Variants in PAM observed in about 807,000 individuals in gnomAD.
The protein encoded by PAM is peptidyl-glycine alpha-amidating monooxygenase.
In PAM, 72 loss-of-function variants were observed where a neutral mutation model predicts 122.1. The ratio of observed to expected loss-of-function variants is 0.59; its 90% CI spans 0.49 to 0.72. PAM has a LOEUF of 0.72. PAM is among the 30% of genes least tolerant of loss of function. The pLI, the probability that PAM is intolerant of heterozygous loss-of-function variation, is 0.00. For synonymous variants in PAM, 389 were observed against 404.4 expected, an observed-to-expected ratio of 0.96 and a Z score of 0.46; for missense variants, 1,106 against 1,183.7, an observed-to-expected ratio of 0.93 and a Z score of 0.96.
At chr5:102,814,571 A>T in intron 1 of PAM, among the ~76,000 whole-genome samples, 1 of 140,346 alleles carries the variant, frequency 7.1e-6, no homozygotes, top group Non-Finnish European at 1.6e-5. Flanking sequence ...AGATATATAC[A>T]TATATTGATA....
chr5:102,940,367 CA>C (rs1754754272), intron 7 of PAM, among the ~76,000 whole-genome samples: 1 of 150,302 alleles, frequency 6.7e-6, no homozygotes, highest in Non-Finnish European at 1.5e-5. Flanking sequence ...ATTCTGGACT[CA>C]GGGAAAAACA....
chr5:103,009,311 AT>A (rs1021529630), intron 20 of PAM, among the ~76,000 whole-genome samples: 7 of 152,072 alleles, frequency 4.6e-5, no homozygotes, highest in Admixed American at 2.0e-4. Flanking sequence ...AACTTCACTT[AT>A]TTTCTTTGAT....
chr5:102,882,142 G>C (rs1166567907), intron 3 of PAM, among the ~76,000 whole-genome samples: 3 of 125,140 alleles, frequency 2.4e-5, no homozygotes, highest in Non-Finnish European at 4.9e-5. Context: ...CTCATTGTTG[G>C]ATGGGCATTT....
chr5:102,854,470 T>C (rs1782105721), intron 1 of PAM, among the ~76,000 whole-genome samples: 1 of 152,170 alleles, frequency 6.6e-6, no homozygotes, highest in African/African-American at 2.4e-5. Flanking sequence ...GCTTAGGGCA[T>C]GTAGCCTCAA....
intron 1 of PAM, among the ~76,000 whole-genome samples, chr5:102,792,789 G>A (rs991725171): frequency 3.9e-5 from 6 of 152,112 alleles, no homozygotes; most frequent in Admixed American, 1.3e-4. Flanking sequence ...AGTTTTTGAG[G>A]CTCCTACCAC....
At chr5:102,801,656 A>T (rs1764731243) in intron 1 of PAM, among the ~76,000 whole-genome samples, 2 of 152,054 alleles carry the variant, frequency 1.3e-5, no homozygotes, top group Admixed American at 1.3e-4. Context: ...TGCAGGCATC[A>T]TCCTTAACCC....
chr5:102,820,576 C>T (rs74823287), intron 1 of PAM, among the ~76,000 whole-genome samples: 2,098 of 152,136 alleles, frequency 0.014, 54 homozygotes, highest in African/African-American at 0.048. Flanking sequence ...AAAAAGATAA[C>T]TATTTCATTG....
intron 15 of PAM, among the ~76,000 whole-genome samples, chr5:102,988,706 A>G (rs1002865570): frequency 1.2e-5 from 1 of 81,228 alleles, no homozygotes; most frequent in Non-Finnish European, 3.3e-5. Context: ...AAAGAGAAAG[A>G]GAAAGAAAGA....
chr5:102,771,283 C>T (rs961391071), intron 1 of PAM, among the ~76,000 whole-genome samples: 1 of 152,056 alleles, frequency 6.6e-6, no homozygotes, highest in African/African-American at 2.4e-5. Context: ...CACCTAATAA[C>T]CTCTTTGGTT....
At chr5:103,021,162 A>G (rs1783431369) in intron 23 of PAM, among the ~76,000 whole-genome samples, 1 of 152,192 alleles carries the variant, frequency 6.6e-6, no homozygotes, top group Admixed American at 6.6e-5. Flanking sequence ...GAGGAAATTG[A>G]GGATCAGAAT....
chr5:102,948,342 T>C (rs1561993559), intron 8 of PAM, 36 bp from the exon 9 acceptor site: 2 of 1,200,436 alleles, frequency 1.7e-6, no homozygotes, highest in Non-Finnish European at 2.5e-6. Context: ...TTTGACTTTT[T>C]CAGGTATTTT....
rs559221838 is a variant in PAM at position 102,918,885 on chromosome 5, C to T, written c.356+4864C>T. Among the ~76,000 whole-genome samples the T allele has an allele frequency of 2.0e-5, 3 of 152,122 alleles. No individual in the cohort carries two copies. In the East Asian group the frequency reaches 5.8e-4, roughly 29 times the overall value. ...AAAACGAGTGGGCTTCTTATGTATC[C>T]AGTGTTATACTTTGGTGTGATCTTC... On this transcript the variant is annotated intron_variant, in intron 5 of 25. Transcript: ENST00000438793.
intron 15 of PAM, among the ~76,000 whole-genome samples, chr5:102,986,225 C>G (rs73179805): frequency 0.016 from 2,481 of 152,208 alleles, 56 homozygotes; most frequent in African/African-American, 0.057. Flanking sequence ...ACTAGAAGTT[C>G]TAACCAAAGC....
intron 1 of PAM, among the ~76,000 whole-genome samples, chr5:102,849,813 C>T (rs952329022): frequency 3.3e-5 from 5 of 151,960 alleles, no homozygotes; most frequent in African/African-American, 1.2e-4. Flanking sequence ...TCAACATATT[C>T]GGGAAAATGA....
At chr5:102,929,959 AG>A (rs1750904787) in intron 7 of PAM, among the ~76,000 whole-genome samples, 1 of 151,976 alleles carries the variant, frequency 6.6e-6, no homozygotes, top group African/African-American at 2.4e-5. Flanking sequence ...AATGTGGCCC[AG>A]GAAAGCCAAA....
intron 3 of PAM, among the ~76,000 whole-genome samples, chr5:102,883,510 G>C (rs1289145567): frequency 6.6e-6 from 1 of 151,928 alleles, no homozygotes; most frequent in Non-Finnish European, 1.5e-5. Context: ...TTGATTCTCA[G>C]CTTGATCACT....
intron 14 of PAM, among the ~76,000 whole-genome samples, chr5:102,971,800 T>C (rs941241026): frequency 6.6e-6 from 1 of 152,114 alleles, no homozygotes; most frequent in African/African-American, 2.4e-5. Flanking sequence ...ACTAAGAAAA[T>C]TGGTTAACAT....
intron 12 of PAM, among the ~76,000 whole-genome samples, chr5:102,953,754 C>T (rs1025270214): frequency 2.6e-5 from 4 of 152,174 alleles, no homozygotes; most frequent in African/African-American, 9.7e-5. Flanking sequence ...TGGCTCATGC[C>T]TGTAATCTCA....
chr5:102,914,000 C>A lies in PAM; in HGVS notation c.335C>A (p.Pro112His). 1 of 1,587,512 alleles carries A rather than the reference C, an allele frequency of 6.3e-7. No individual in the cohort carries two copies. Among genetic ancestry groups the A allele is most frequent in the Non-Finnish European group, 8.7e-7 (1 of 1,156,026 alleles). The change falls in exon 5 of 26, where the codon CCT (proline) becomes CAT (histidine). Residue 112 changes from proline to histidine, a missense_variant. Pro to His is a moderately conservative substitution (Grantham distance 77). Around this residue, in one of 3 missense-constraint regions of PAM, gnomAD observed 670 missense variants for 690.3 expected, o/e 0.97. Transcript: ENST00000438793. ...HHMLLFGCNMPSSTGSYWFCD... is the reference protein window; with the variant it reads ...HHMLLFGCNMHSSTGSYWFCD... ...ATGTTACTTTTTGGATGCAATATGC[C>A]TTCATCCACTGGAAGTTACTGGTAA... is the stretch of plus-strand genomic sequence containing the variant.
Sources: allele counts gnomAD v4.1 joint callset (sites outside exome capture counted in the v4.1 genomes callset), GRCh38; gene constraint gnomAD v4.1.1; regional missense constraint gnomAD v4.1.1; transcripts MANE v1.5; gene names NCBI Gene and HGNC (gene_info 2026-07-23, HGNC 2026-07-21).